The following ATP23 variants were observed in gnomAD, a reference collection of about 807,000 sequenced individuals.
ATP23 encodes ATP23 metallopeptidase and ATP synthase assembly factor homolog, also known as mitochondrial inner membrane protease ATP23 homolog.
Under a neutral mutation model 28.5 loss-of-function variants are expected in ATP23, and 24 were observed. The observed-to-expected ratio is 0.84, with a 90% CI of 0.61 to 1.18. The LOEUF (loss-of-function observed/expected upper bound fraction) is 1.18, where lower values mean the gene tolerates loss of function less well. Ranked by LOEUF, ATP23 falls within the 50% of genes most tolerant of loss-of-function variation. The pLI is 0.00. For missense variants in ATP23, 274 were observed against 306.4 expected (o/e 0.89, Z 0.79); for synonymous variants, 99 against 108.6 (o/e 0.91, Z 0.55).
intron 2 of ATP23, among the ~76,000 whole-genome samples, chr12:57,946,187 C>G (rs1050998807): frequency 6.6e-6 from 1 of 152,044 alleles, no homozygotes; most frequent in East Asian, 1.9e-4. Context: ...TAGTTCTTAC[C>G]ATTCACCTTG....
chr12:57,946,893 A>G, intron 2 of ATP23, 102 bp from the exon 3 acceptor site: 1 of 855,138 alleles, frequency 1.2e-6, no homozygotes, highest in Admixed American at 2.4e-5. Flanking sequence ...TTAGTAGTAG[A>G]GGGGATTTAC....
intron 1 of ATP23, among the ~76,000 whole-genome samples, chr12:57,943,767 G>T (rs1053354300): frequency 6.6e-6 from 1 of 152,148 alleles, no homozygotes; most frequent in Non-Finnish European, 1.5e-5. Flanking sequence ...TTTTACAGTG[G>T]AAGGGCCACA....
rs1415595574 is a variant in ATP23 at position 57,941,694 on chromosome 12, C to T, written c.-8C>T. 5.0e-6 allele frequency: 8 copies of T among 1,603,272 alleles called. No individual in the cohort carries two copies. Among genetic ancestry groups the T allele is most frequent in the East Asian group, 2.2e-5 (1 of 44,450 alleles). On this transcript the variant is annotated 5_prime_UTR_variant, in exon 1 of 6. Coordinates refer to ENST00000300145, the MANE Select transcript of ATP23 (RefSeq NM_033276.4). ...CAGGAGGAAGCAGCGGCGAGGTCTG[C>T]GGGAGGCATGGCGGGAGCTCCGGAC... is the stretch of plus-strand genomic sequence containing the variant.
Position 57,941,579 on chromosome 12 carries a change from C to G in ATP23, c.-123C>G, listed in dbSNP as rs941983510. The G allele has an allele frequency of 5.3e-6, 7 of 1,326,152 alleles. No individual in the cohort carries two copies. In the African/African-American group the frequency reaches 7.5e-5, roughly 14 times the overall value. The allele number at this position is 1,326,152 out of a possible 1,614,324, so 82.1% of individuals were successfully genotyped here. A position where few individuals can be genotyped will look rare whatever the true frequency, so the allele number is the denominator to read the frequency against. ...GCCTAACGTCTTCAGCCCAGCCAGG[C>G]TGCCCTTCTTCCCTGCGGAGGGAGG... On this transcript the variant is annotated 5_prime_UTR_variant, in exon 1 of 6. Coordinates refer to ENST00000300145, the MANE Select transcript of ATP23 (RefSeq NM_033276.4).
intron 2 of ATP23, 124 bp from the exon 3 acceptor site, chr12:57,946,871 A>T: frequency 1.4e-6 from 1 of 707,538 alleles, no homozygotes; most frequent in Non-Finnish European, 2.4e-6. Context: ...CTTTCCCAAG[A>T]TTTCCTATGT....
At position 57,957,716 on chromosome 12, in the gene ATP23, G is replaced by A. The variant is rs1250621769; in HGVS notation, c.*826G>A. ...CGAGCGAAATACAGGGGTAGAGCAA[G>A]CAGCAGGAAGGCCCAGGGAGCTCGC... On this transcript the variant is annotated 3_prime_UTR_variant, in exon 6 of 6. Coordinates refer to ENST00000300145, the MANE Select transcript of ATP23 (RefSeq NM_033276.4). Among the ~76,000 whole-genome samples the A allele has an allele frequency of 6.6e-6, 1 of 152,194 alleles. No individual in the cohort carries two copies.
chr12:57,953,767 T>G, intron 5 of ATP23, 78 bp downstream of exon 5: 1 of 1,284,442 alleles, frequency 7.8e-7, no homozygotes, highest in South Asian at 1.2e-5. Context: ...AAAAGTACAT[T>G]CAGTATTTGA....
intron 3 of ATP23, 58 bp from the exon 4 acceptor site, chr12:57,951,700 G>C: frequency 6.3e-7 from 1 of 1,591,268 alleles, no homozygotes; most frequent in Non-Finnish European, 8.6e-7. Context: ...AGAGAAGATC[G>C]AGTCTATGGA....
At chr12:57,953,478 CA>C in intron 4 of ATP23, 127 bp from the exon 5 acceptor site, 1 of 755,472 alleles carries the variant, frequency 1.3e-6, no homozygotes, top group Non-Finnish European at 2.1e-6. Context: ...AGAAGTGTCA[CA>C]AATACTCTTT....
intron 2 of ATP23, 140 bp from the exon 3 acceptor site, chr12:57,946,852 ATGT>A (rs1382288516): frequency 4.3e-5 from 27 of 627,860 alleles, no homozygotes; most frequent in Non-Finnish European, 6.7e-5. Context: ...AGTCCTGAAG[ATGT>A]TGTTTCTTTC....
At chr12:57,943,642 C>A (rs1235562864) in intron 1 of ATP23, among the ~76,000 whole-genome samples, 1 of 151,652 alleles carries the variant, frequency 6.6e-6, no homozygotes, top group East Asian at 1.9e-4. Context: ...TATTGCATCA[C>A]TGCACTCCAG....
At chr12:57,943,562 T>A (rs931959660) in intron 1 of ATP23, among the ~76,000 whole-genome samples, 1 of 151,876 alleles carries the variant, frequency 6.6e-6, no homozygotes, top group Non-Finnish European at 1.5e-5. Flanking sequence ...ATGCCTGCAG[T>A]CCCAACTATT....
chr12:57,951,773 A>G lies in ATP23; in HGVS notation c.331A>G (p.Asn111Asp). The change falls in exon 4 of 6, where the codon AAT becomes GAT. Residue 111 changes from asparagine to aspartate, a missense_variant. Transcript: ENST00000300145. ...ASTSQIVLCQ[N>D]NIHNQAHMNR... The stretch of plus-strand genomic sequence containing the variant: ...TGTCTCCTAGATAGTTTTGTGCCAG[A>G]ATAATATCCATAATCAGGCCCATAT... 1 of 1,614,088 alleles carries G rather than the reference A, an allele frequency of 6.2e-7. No individual in the cohort carries two copies. The highest frequency in any genetic ancestry group is 8.5e-7 in the Non-Finnish European group (1 of 1,179,980).
chr12:57,942,424 C>CG (rs1956714447), intron 1 of ATP23, among the ~76,000 whole-genome samples: 4 of 129,634 alleles, frequency 3.1e-5, no homozygotes, highest in Admixed American at 1.7e-4. Context: ...CCCCTAAGTG[C>CG]ATTTTTTTTT....
Position 57,947,006 on chromosome 12 carries a change from A to T in ATP23, c.245A>T (p.Lys82Ile). The change falls in exon 3 of 6, where the codon AAA becomes ATA. Residue 82 changes from lysine to isoleucine, a missense_variant. Transcript: ENST00000300145. ...TTCTTGCCTTTTAGTGCTGTTAACA[A>T]AGATAGACACTTTTCTTGCGAAGAC... ...AMKHSGCAVN[K>I]DRHFSCEDCN... 6.2e-7 allele frequency: 1 copy of T among 1,613,936 alleles called. No individual in the cohort carries two copies.
chr12:57,943,739 T>C (rs544917453), intron 1 of ATP23, among the ~76,000 whole-genome samples: 1 of 151,656 alleles, frequency 6.6e-6, no homozygotes, highest in South Asian at 2.1e-4. Flanking sequence ...GGAGCTGAGC[T>C]GAATAAATGG....
chr12:57,942,019 G>C (rs1428033672), intron 1 of ATP23, 131 bp downstream of exon 1: 3 of 1,148,472 alleles, frequency 2.6e-6, no homozygotes, highest in Non-Finnish European at 3.5e-6. Context: ...TGGGCATCAT[G>C]GGGGCTGGGT....
At chr12:57,951,945 A>G in intron 4 of ATP23, 50 bp downstream of exon 4, 1 of 1,596,002 alleles carries the variant, frequency 6.3e-7, no homozygotes, top group Non-Finnish European at 8.6e-7. Context: ...TGAATATTTT[A>G]TTCAAGTGTA....
At position 57,956,669 on chromosome 12, in the gene ATP23, A is replaced by G. The variant is rs751952126; in HGVS notation, c.538-18A>G. ...TGTTTATATAAAATTAGAGCCTCAT[A>G]CTTTTCCTTCTTTTTAGACTTGTGT... On this transcript the variant is annotated intron_variant, in intron 5 of 5. Coordinates refer to ENST00000300145, the MANE Select transcript of ATP23 (RefSeq NM_033276.4). 1.2e-5 allele frequency: 18 copies of G among 1,563,304 alleles called. No individual in the cohort carries two copies. The highest frequency in any genetic ancestry group is 1.4e-5 in the Non-Finnish European group (16 of 1,153,606).
Sources: gnomAD v4.1 joint callset for allele counts (sites outside exome capture counted in the v4.1 genomes callset) on GRCh38, gnomAD v4.1.1 for gene constraint, MANE v1.5 for transcripts, NCBI Gene and HGNC (gene_info 2026-07-23, HGNC 2026-07-21) for gene names.